SPAG16: variants seen among roughly 807,000 people sequenced by gnomAD.
SPAG16 encodes sperm associated antigen 16, also known as sperm-associated antigen 16 protein.
A neutral mutation model predicts 80.4 loss-of-function variants in SPAG16; 86 were observed. The ratio of observed to expected loss-of-function variants is 1.07; its 90% CI spans 0.90 to 1.28. The LOEUF is 1.28. SPAG16 is among the 50% of genes most tolerant of loss of function. The pLI is 0.00. For missense variants in SPAG16, 870 were observed against 765.3 expected (o/e 1.14, Z -1.61); for synonymous variants, 294 against 265.9 (o/e 1.11, Z -1.03).
At chr2:214,332,026 C>A (rs557419042) in intron 15 of SPAG16, among the ~76,000 whole-genome samples, 8 of 152,134 alleles carry the variant, frequency 5.3e-5, no homozygotes, top group Non-Finnish European at 1.0e-4. Flanking sequence ...CTGAGGTGGG[C>A]AGATCACTCG....
chr2:214,181,331 A>G (rs1184082391), intron 15 of SPAG16, among the ~76,000 whole-genome samples: 2 of 151,866 alleles, frequency 1.3e-5, no homozygotes, highest in Non-Finnish European at 2.9e-5. Context: ...AAGGGAAGTC[A>G]TACTTCTTGG....
At chr2:213,497,178 AAAT>A (rs1289541291) in intron 10 of SPAG16, among the ~76,000 whole-genome samples, 1 of 152,120 alleles carries the variant, frequency 6.6e-6, no homozygotes, top group African/African-American at 2.4e-5. Flanking sequence ...ATCTTCTATT[AAAT>A]AATAATATTT....
chr2:214,205,088 G>T (rs2058104543), intron 15 of SPAG16, among the ~76,000 whole-genome samples: 1 of 152,054 alleles, frequency 6.6e-6, no homozygotes, highest in Admixed American at 6.6e-5. Flanking sequence ...AATTAGCTGA[G>T]CATGTTGGCA....
At chr2:213,536,524 A>G (rs2076253832) in intron 10 of SPAG16, among the ~76,000 whole-genome samples, 1 of 152,094 alleles carries the variant, frequency 6.6e-6, no homozygotes, top group African/African-American at 2.4e-5. Context: ...TGCCATTCTA[A>G]CTGGTGTCAG....
intron 10 of SPAG16, among the ~76,000 whole-genome samples, chr2:213,539,339 CAT>C (rs2076352332): frequency 6.6e-6 from 1 of 152,098 alleles, no homozygotes; most frequent in Non-Finnish European, 1.5e-5. Context: ...TATCTGAAGT[CAT>C]AGCTTGTGGT....
chr2:214,111,936 G>T (rs2053685671), intron 14 of SPAG16, among the ~76,000 whole-genome samples: 3 of 152,068 alleles, frequency 2.0e-5, no homozygotes, highest in Non-Finnish European at 4.4e-5. Flanking sequence ...GTCTGTTATT[G>T]GTGTATAGGA....
At chr2:213,545,039 G>A (rs1559239705) in intron 10 of SPAG16, among the ~76,000 whole-genome samples, 1 of 152,076 alleles carries the variant, frequency 6.6e-6, no homozygotes, top group Non-Finnish European at 1.5e-5. Context: ...TTGCTGGATT[G>A]TATGGTAAGA....
chr2:214,060,345 T>C (rs1293435094), intron 13 of SPAG16, among the ~76,000 whole-genome samples: 1 of 152,146 alleles, frequency 6.6e-6, no homozygotes, highest in African/African-American at 2.4e-5. Context: ...GAGACAAAAA[T>C]ATTGTTTATT....
intron 15 of SPAG16, among the ~76,000 whole-genome samples, chr2:214,168,687 A>G (rs556316122): frequency 3.3e-5 from 5 of 152,258 alleles, no homozygotes; most frequent in East Asian, 3.9e-4. Flanking sequence ...TTTCAGGCTG[A>G]AAGTTCCAGG....
intron 10 of SPAG16, among the ~76,000 whole-genome samples, chr2:213,699,019 T>G (rs2065282893): frequency 6.6e-6 from 1 of 152,208 alleles, no homozygotes; most frequent in East Asian, 1.9e-4. Flanking sequence ...CTCTCTAAGT[T>G]CTGTTTCTGC....
rs2059737423 is a variant in SPAG16 at position 213,565,695 on chromosome 2, C to A, written c.1070+75605C>A. The stretch of plus-strand genomic sequence containing the variant: ...TAAGGCCTGCCAAGAGACAAACTCC[C>A]TGGCTTTCAGTTGAGATGCTGAAGG... On this transcript the variant is annotated intron_variant, in intron 10 of 15. Transcript: ENST00000331683. 2.0e-5 allele frequency among the ~76,000 whole-genome samples: 3 copies of A among 152,198 alleles called. No individual in the cohort carries two copies. The South Asian group carries it at 6.2e-4, about 31-fold the overall frequency.
At chr2:213,630,009 A>G (rs926156104) in intron 10 of SPAG16, among the ~76,000 whole-genome samples, 2 of 152,238 alleles carry the variant, frequency 1.3e-5, no homozygotes, top group Non-Finnish European at 1.5e-5. Flanking sequence ...CATTTGCTTC[A>G]TTGTCTCATT....
intron 10 of SPAG16, among the ~76,000 whole-genome samples, chr2:213,842,580 T>C (rs2074414535): frequency 6.6e-6 from 1 of 152,156 alleles, no homozygotes; most frequent in African/African-American, 2.4e-5. Flanking sequence ...TAACATTTTG[T>C]TTGTTTTGTT....
intron 10 of SPAG16, among the ~76,000 whole-genome samples, chr2:213,759,614 C>T (rs1309825185): frequency 6.6e-6 from 1 of 150,496 alleles, no homozygotes; most frequent in African/African-American, 2.4e-5. Flanking sequence ...TGGTAACCAC[C>T]AAGAAAATAG....
intron 10 of SPAG16, among the ~76,000 whole-genome samples, chr2:213,755,535 T>A (rs2068284182): frequency 6.6e-6 from 1 of 152,202 alleles, no homozygotes; most frequent in Non-Finnish European, 1.5e-5. Context: ...TACATTGCAC[T>A]TTTTTTGTGA....
At chr2:213,448,515 T>C (rs2071486444) in intron 9 of SPAG16, among the ~76,000 whole-genome samples, 4 of 152,144 alleles carry the variant, frequency 2.6e-5, no homozygotes, top group Admixed American at 2.6e-4. Context: ...AGCTTGTTTT[T>C]AGTGTGCCGT....
chr2:214,061,305 T>A (rs527407342), intron 13 of SPAG16, among the ~76,000 whole-genome samples: 2 of 152,170 alleles, frequency 1.3e-5, no homozygotes, highest in Non-Finnish European at 2.9e-5. Flanking sequence ...TTGGAAAAAC[T>A]CATAATCCAC....
intron 10 of SPAG16, among the ~76,000 whole-genome samples, chr2:213,656,937 T>C (rs1222580530): frequency 6.6e-6 from 1 of 152,214 alleles, no homozygotes; most frequent in Non-Finnish European, 1.5e-5. Context: ...AAAATTAAAC[T>C]TAAATAAGAC....
At chr2:213,768,878 A>G (rs142850954) in intron 10 of SPAG16, among the ~76,000 whole-genome samples, 1 of 152,202 alleles carries the variant, frequency 6.6e-6, no homozygotes, top group East Asian at 1.9e-4. Flanking sequence ...GAACACAAAA[A>G]CTTTAGAAAA....
Sources: gnomAD v4.1 joint callset for allele counts (sites outside exome capture counted in the v4.1 genomes callset) on GRCh38, gnomAD v4.1.1 for gene constraint, MANE v1.5 for transcripts, NCBI Gene and HGNC (gene_info 2026-07-23, HGNC 2026-07-21) for gene names.